The following HDAC4 variants were observed in gnomAD, a reference collection of about 807,000 sequenced individuals.
HDAC4 encodes histone deacetylase 4.
A neutral mutation model predicts 135.1 loss-of-function variants in HDAC4; 16 were observed. The observed-to-expected ratio is 0.12, with a 90% CI of 0.08 to 0.18. The LOEUF (loss-of-function observed/expected upper bound fraction) is 0.18, where lower values mean the gene tolerates loss of function less well. Ranked by LOEUF, HDAC4 falls within the 10% of genes least tolerant of loss-of-function variation. The pLI is 1.00. For missense variants in HDAC4, 1,143 were observed against 1,511.8 expected, an observed-to-expected ratio of 0.76 and a Z score of 4.05; for synonymous variants, 685 against 653.4, an observed-to-expected ratio of 1.05 and a Z score of -0.74.
intron 2 of HDAC4, among the ~76,000 whole-genome samples, chr2:239,318,373 G>A (rs775609544): frequency 2.0e-5 from 3 of 152,140 alleles, no homozygotes; most frequent in African/African-American, 4.8e-5. Flanking sequence ...CTGCCCCTAC[G>A]CTTCCAAAAT....
chr2:239,126,304 T>G, intron 12 of HDAC4, 152 bp downstream of exon 12: 1 of 1,299,492 alleles, frequency 7.7e-7, no homozygotes, highest in Non-Finnish European at 1.1e-6. Flanking sequence ...CCCAGCTCTG[T>G]GCTGTGGGCC....
At chr2:239,388,292 C>T (rs1024417530) in intron 1 of HDAC4, among the ~76,000 whole-genome samples, 4 of 152,214 alleles carry the variant, frequency 2.6e-5, no homozygotes, top group Non-Finnish European at 5.9e-5. Context: ...GCTCTCCGCT[C>T]GCTGGAGGGC....
At chr2:239,218,312 C>T (rs942656762) in intron 3 of HDAC4, among the ~76,000 whole-genome samples, 94 of 151,832 alleles carry the variant, frequency 6.2e-4, no homozygotes, top group East Asian at 1.9e-4. Context: ...GAAATAACAC[C>T]GCATATCTAC....
chr2:239,143,498 T>G (rs1037054932), intron 8 of HDAC4, among the ~76,000 whole-genome samples: 1 of 152,232 alleles, frequency 6.6e-6, no homozygotes, highest in Non-Finnish European at 1.5e-5. Context: ...GAAAGAAACC[T>G]ACATCAGAAA....
At chr2:239,102,939 C>A (rs757036548) in intron 15 of HDAC4, 43 bp from the exon 16 acceptor site, 2 of 1,612,982 alleles carry the variant, frequency 1.2e-6, no homozygotes, top group South Asian at 2.2e-5. Flanking sequence ...TCTGCAGAAG[C>A]TGCTGCTTCA....
At chr2:239,339,033 T>C (rs964413416) in intron 2 of HDAC4, among the ~76,000 whole-genome samples, 9 of 152,244 alleles carry the variant, frequency 5.9e-5, no homozygotes, top group African/African-American at 2.2e-4. Context: ...TTAGTTTACA[T>C]AAAATCAGAA....
intron 2 of HDAC4, among the ~76,000 whole-genome samples, chr2:239,239,885 G>A (rs528251727): frequency 1.7e-4 from 26 of 152,356 alleles, no homozygotes; most frequent in Middle Eastern, 3.4e-3. Context: ...AAGCACAGGC[G>A]GCCTTGGAGG....
intron 12 of HDAC4, among the ~76,000 whole-genome samples, chr2:239,121,397 G>C (rs1162594829): frequency 6.6e-6 from 1 of 152,210 alleles, no homozygotes; most frequent in African/African-American, 2.4e-5. Context: ...GGCTGTTTCA[G>C]GGGCCCCAAG....
At chr2:239,219,286 G>C (rs1229357542) in intron 3 of HDAC4, among the ~76,000 whole-genome samples, 1 of 151,990 alleles carries the variant, frequency 6.6e-6, no homozygotes, top group Non-Finnish European at 1.5e-5. Context: ...ATACTATGCA[G>C]CCATAAAAAA....
chr2:239,083,018 A>C (rs1237692032), intron 20 of HDAC4, among the ~76,000 whole-genome samples: 1 of 152,264 alleles, frequency 6.6e-6, no homozygotes, highest in African/African-American at 2.4e-5. Context: ...AAAAGGCGGA[A>C]GGGCAGCTAC....
At chr2:239,149,027 C>G (rs191057804) in intron 7 of HDAC4, among the ~76,000 whole-genome samples, 34 of 152,310 alleles carry the variant, frequency 2.2e-4, no homozygotes, top group Admixed American at 2.0e-3. Flanking sequence ...GCGGGACAGG[C>G]AGTCAGGGAC....
intron 3 of HDAC4, among the ~76,000 whole-genome samples, chr2:239,235,703 A>G (rs1241493325): frequency 6.6e-6 from 1 of 152,238 alleles, no homozygotes; most frequent in African/African-American, 2.4e-5. Context: ...AAAAGGGGGA[A>G]AAAGTCTGTT....
intron 3 of HDAC4, among the ~76,000 whole-genome samples, chr2:239,223,421 T>G (rs1299483419): frequency 6.6e-6 from 1 of 152,102 alleles, no homozygotes; most frequent in East Asian, 1.9e-4. Context: ...TGCGGGTCAC[T>G]GGGGGTGGAA....
intron 16 of HDAC4, among the ~76,000 whole-genome samples, chr2:239,095,589 C>G (rs1017098354): frequency 3.3e-5 from 5 of 152,186 alleles, no homozygotes; most frequent in Non-Finnish European, 5.9e-5. Context: ...CCCTGCGACA[C>G]AGGCGGAGCG....
intron 2 of HDAC4, among the ~76,000 whole-genome samples, chr2:239,329,717 G>A (rs1354411441): frequency 1.3e-5 from 2 of 152,214 alleles, no homozygotes; most frequent in Non-Finnish European, 2.9e-5. Flanking sequence ...AGACACTCAG[G>A]GCCTGGGCTG....
intron 2 of HDAC4, among the ~76,000 whole-genome samples, chr2:239,314,514 A>G (rs998944523): frequency 6.6e-6 from 1 of 152,226 alleles, no homozygotes; most frequent in African/African-American, 2.4e-5. Context: ...GGAAGAAAGG[A>G]GACAGATGTC....
intron 2 of HDAC4, among the ~76,000 whole-genome samples, chr2:239,268,414 A>G (rs1182442620): frequency 1.3e-5 from 2 of 152,290 alleles, no homozygotes; most frequent in East Asian, 1.9e-4. Flanking sequence ...TGATTTTGAA[A>G]AGACGCTGAG....
chr2:239,360,112 G>A (rs1412477611), intron 1 of HDAC4, among the ~76,000 whole-genome samples: 6 of 152,158 alleles, frequency 3.9e-5, no homozygotes, highest in Non-Finnish European at 7.4e-5. Flanking sequence ...AGGAATTAAC[G>A]GAGAGTCCCT....
intron 2 of HDAC4, among the ~76,000 whole-genome samples, chr2:239,290,231 ACTTTACTCTT>A (rs1451847742): frequency 2.6e-5 from 4 of 152,112 alleles, no homozygotes; most frequent in African/African-American, 4.8e-5. Context: ...ATGTTATCAG[ACTTTACTCTT>A]ACCTAGTTCC....
Sources: gnomAD v4.1 joint callset for allele counts (sites outside exome capture counted in the v4.1 genomes callset) on GRCh38, gnomAD v4.1.1 for gene constraint, MANE v1.5 for transcripts, NCBI Gene and HGNC (gene_info 2026-07-23, HGNC 2026-07-21) for gene names.